LVRN: variants seen among roughly 807,000 people sequenced by gnomAD.
LVRN encodes laeverin.
A neutral mutation model predicts 111.4 loss-of-function variants in LVRN; 99 were observed. The ratio of observed to expected loss-of-function variants is 0.89; its 90% CI spans 0.76 to 1.05. The LOEUF (loss-of-function observed/expected upper bound fraction) is 1.05. LVRN is among the 50% of genes least tolerant of loss of function. The pLI is 0.00. For missense variants in LVRN, 1,414 were observed against 1,206.8 expected, an observed-to-expected ratio of 1.17 and a Z score of -2.54; for synonymous variants, 488 against 449.5, an observed-to-expected ratio of 1.09 and a Z score of -1.08.
At chr5:115,995,246 T>C (rs1294279182) in intron 6 of LVRN, 1 of 152,200 alleles carries the variant, frequency 6.6e-6, no homozygotes, top group East Asian at 1.9e-4. Context: ...TTTTGGTCGA[T>C]AGTTTGGCAG....
chr5:116,026,891 C>A lies in LVRN; in HGVS notation c.*773C>A, dbSNP rs1429328121. The A allele has an allele frequency of 6.6e-6, 1 of 152,184 alleles. No individual in the cohort carries two copies. Among genetic ancestry groups the A allele is most frequent in the Non-Finnish European group, 1.5e-5 (1 of 68,060 alleles). The allele number at this position is 152,184 out of a possible 1,614,324, so 9.4% of individuals were successfully genotyped here. A position where few individuals can be genotyped will look rare whatever the true frequency, so the allele number is the denominator to read the frequency against. ...TGTGTATTCACCAGTGGGATGGACA[C>A]CCTTTCAGCCTAAGCGTACGAGTGA... On this transcript the variant is annotated 3_prime_UTR_variant, in exon 20 of 20. Coordinates refer to ENST00000357872, the MANE Select transcript of LVRN (RefSeq NM_173800.5).
Position 116,014,513 on chromosome 5 carries a change from T to C in LVRN, c.2436T>C (p.Asp812=), listed in dbSNP as rs147926837. 741 of 1,613,086 alleles carry C rather than the reference T, an allele frequency of 4.6e-4. 2 individuals are homozygous for C. In the African/African-American group the frequency reaches 8.6e-3, roughly 19 times the overall value. ...LSKELFAKWV[D]HPENEIPYPI... ...AAGAACTTTTCGCAAAATGGGTGGA[T>C]CATCCAGAAAATGAGTAAGAGTAAT... The change falls in exon 16 of 20, where the codon GAT becomes GAC. Residue 812 remains aspartate, a synonymous_variant. Coordinates refer to ENST00000357872, the MANE Select transcript of LVRN (RefSeq NM_173800.5).
chr5:116,015,164 A>G, intron 16 of LVRN, 88 bp from the exon 17 acceptor site: 2 of 933,326 alleles, frequency 2.1e-6, no homozygotes, highest in Non-Finnish European at 2.8e-6. Flanking sequence ...GACTATAAAT[A>G]TTTTTTCTAG....
Position 115,963,111 on chromosome 5 carries a change from G to A in LVRN, c.494G>A (p.Gly165Asp), listed in dbSNP as rs1753125016. The A allele has an allele frequency of 6.2e-7, 1 of 1,613,446 alleles. No individual in the cohort carries two copies. Residue 165 changes from glycine to aspartate, a missense_variant, in exon 1 of 20, where the codon GGC (glycine) becomes GAC (aspartate). Coordinates refer to ENST00000357872, the MANE Select transcript of LVRN (RefSeq NM_173800.5). The stretch of plus-strand genomic sequence containing the variant: ...GAGGTGCGGGGACCCCTTTCCCCGG[G>A]CACTGGGAACGCCACAGTGGGCCGC... The part of the protein sequence containing the change: ...RAEVRGPLSP[G>D]TGNATVGRVP...
chr5:116,014,333 C>G lies in LVRN; in HGVS notation c.2343-87C>G, dbSNP rs751828911. On this transcript the variant is annotated intron_variant, in intron 15 of 19. Transcript: ENST00000357872. ...TGAAAGGATATTTAAAAATACCCAT[C>G]TTTTTATGAAACACATATTCTTGGA... 27 of 967,410 alleles carry G rather than the reference C, an allele frequency of 2.8e-5. 1 individual carries two copies. Among genetic ancestry groups the G allele is most frequent in the Non-Finnish European group, 3.4e-5 (22 of 638,552 alleles). 59.9% of individuals were successfully genotyped at this position (967,410 alleles called of 1,614,324 possible). A position where few individuals can be genotyped will look rare whatever the true frequency, so the allele number is the denominator to read the frequency against.
intron 2 of LVRN, among the ~76,000 whole-genome samples, chr5:115,984,151 T>C (rs1747796264): frequency 6.6e-6 from 1 of 152,140 alleles, no homozygotes; most frequent in Non-Finnish European, 1.5e-5. Context: ...AGGCCCCAGA[T>C]TGCTTCCACT....
At chr5:115,969,848 A>G (rs1753285126) in intron 1 of LVRN, among the ~76,000 whole-genome samples, 1 of 151,222 alleles carries the variant, frequency 6.6e-6, no homozygotes, top group African/African-American at 2.4e-5. Context: ...TAACATTTCT[A>G]CATTCTTATA....
chr5:115,971,799 G>A (rs1753332984), intron 1 of LVRN, among the ~76,000 whole-genome samples: 1 of 151,776 alleles, frequency 6.6e-6, no homozygotes, highest in Non-Finnish European at 1.5e-5. Flanking sequence ...TAGGTCCTTT[G>A]CATTTCCATA....
intron 13 of LVRN, among the ~76,000 whole-genome samples, chr5:116,009,307 GCA>G (rs1224371995): frequency 6.6e-6 from 1 of 152,194 alleles, no homozygotes; most frequent in Non-Finnish European, 1.5e-5. Context: ...CATTGATGAT[GCA>G]CTTGGTTACA....
chr5:116,001,357 G>A, intron 10 of LVRN, 118 bp downstream of exon 10: 1 of 1,193,326 alleles, frequency 8.4e-7, no homozygotes, highest in Non-Finnish European at 1.2e-6. Flanking sequence ...CTTCTGCAAT[G>A]TGACTGTGTA....
intron 3 of LVRN, 106 bp downstream of exon 3, chr5:115,984,815 C>T (rs756835556): frequency 7.6e-6 from 11 of 1,446,234 alleles, no homozygotes; most frequent in Non-Finnish European, 1.0e-5. Flanking sequence ...CAAATCGCTT[C>T]CTAGTTCTCT....
chr5:116,006,463 A>G (rs1748376822), intron 13 of LVRN, among the ~76,000 whole-genome samples: 1 of 151,824 alleles, frequency 6.6e-6, no homozygotes, highest in African/African-American at 2.4e-5. Context: ...TCCCTCTGTG[A>G]CTTACAGTAC....
intron 18 of LVRN, among the ~76,000 whole-genome samples, chr5:116,020,851 T>C (rs113260669): frequency 0.013 from 1,921 of 152,322 alleles, 29 homozygotes; most frequent in African/African-American, 0.044. Context: ...CCCAAATCAC[T>C]GTTCCCACAC....
rs776596516 is a variant in LVRN at position 116,010,835 on chromosome 5, T to G, written c.2188T>G (p.Leu730Val). The G allele has an allele frequency of 6.2e-7, 1 of 1,612,080 alleles. No individual in the cohort carries two copies. Among genetic ancestry groups the G allele is most frequent in the South Asian group, 1.1e-5 (1 of 90,792 alleles). The change falls in exon 14 of 20, where the codon TTG becomes GTG. Residue 730 changes from leucine to valine, a missense_variant. By Grantham distance (32) the Leu-to-Val change is conservative. Coordinates refer to ENST00000357872, the MANE Select transcript of LVRN (RefSeq NM_173800.5). ...IIVWHTVLVN[L>V]VTRDLVSEVN... ...AGTATGGCATACAGTCTTGGTAAAC[T>G]TGGTAACCAGGGATCTTGTTTCTGA...
intron 1 of LVRN, among the ~76,000 whole-genome samples, chr5:115,982,024 T>C (rs1294684798): frequency 1.3e-5 from 2 of 151,980 alleles, no homozygotes; most frequent in Non-Finnish European, 2.9e-5. Context: ...GTAGATGGAG[T>C]GGAGTAGGGT....
chr5:116,011,823 G>A (rs1748495708), intron 14 of LVRN, among the ~76,000 whole-genome samples: 1 of 152,130 alleles, frequency 6.6e-6, no homozygotes, highest in African/African-American at 2.4e-5. Flanking sequence ...ACAGCAGCTA[G>A]TTAATTCTTA....
rs1316890359 is a variant in LVRN at position 115,962,818 on chromosome 5, G to A, written c.201G>A (p.Thr67=). ...ESSPPLRQKP[T]PTPKPSSARE... Reference sequence around the variant, plus strand: ...CCCCTCCCCTCAGGCAGAAGCCGACGCCAACCCCGAAACCCAGCAGTGCAC... The same window carrying A: ...CCCCTCCCCTCAGGCAGAAGCCGACACCAACCCCGAAACCCAGCAGTGCAC... The change falls in exon 1 of 20, where the codon ACG becomes ACA. Residue 67 remains threonine, a synonymous_variant. Transcript: ENST00000357872. 1 of 1,611,796 alleles carries A rather than the reference G, an allele frequency of 6.2e-7. No homozygotes were observed. Among genetic ancestry groups the A allele is most frequent in the Non-Finnish European group, 8.5e-7 (1 of 1,179,154 alleles).
chr5:115,995,817 G>A (rs548609642), intron 6 of LVRN, among the ~76,000 whole-genome samples: 2 of 152,318 alleles, frequency 1.3e-5, no homozygotes, highest in South Asian at 4.1e-4. Context: ...AGTTGCTCAA[G>A]CTCTCATAGT....
intron 4 of LVRN, among the ~76,000 whole-genome samples, chr5:115,991,101 T>C (rs79192209): frequency 0.011 from 1,746 of 152,306 alleles, 87 homozygotes; most frequent in Admixed American, 0.075. Flanking sequence ...TGTACAGCAA[T>C]ATGGGTTTTG....
Sources: gnomAD v4.1 joint callset for allele counts (sites outside exome capture counted in the v4.1 genomes callset) on GRCh38, gnomAD v4.1.1 for gene constraint, MANE v1.5 for transcripts, NCBI Gene and HGNC (gene_info 2026-07-23, HGNC 2026-07-21) for gene names.